Variants in RYK observed in about 807,000 individuals in gnomAD.
The protein encoded by RYK is receptor like tyrosine kinase.
RYK carries 21 observed loss-of-function variants against 70.2 expected under a neutral mutation model. That is an observed-to-expected ratio of 0.30 (90% CI 0.21 to 0.43). The LOEUF (loss-of-function observed/expected upper bound fraction) is 0.43, where lower values mean the gene tolerates loss of function less well. Among genes scored for constraint, RYK ranks in the 20% least tolerant of loss-of-function variants. RYK has a pLI of 1.00. For synonymous variants in RYK, 267 were observed against 278.0 expected (o/e 0.96, Z 0.39); for missense variants, 604 against 753.3 (o/e 0.80, Z 2.32).
intron 10 of RYK, chr3:134,181,448 C>T (rs553868907): frequency 6.6e-6 from 1 of 152,188 alleles, no homozygotes; most frequent in African/African-American, 2.4e-5. Flanking sequence ...CACCACAATG[C>T]CAAAAAACTC....
intron 1 of RYK, among the ~76,000 whole-genome samples, chr3:134,246,907 A>C (rs890644580): frequency 6.6e-6 from 1 of 152,146 alleles, no homozygotes; most frequent in African/African-American, 2.4e-5. Context: ...TTGGAGCAAG[A>C]GGATGGAATG....
At chr3:134,209,961 AAAGT>A in intron 3 of RYK, 132 bp from the exon 4 acceptor site, 1 of 701,524 alleles carries the variant, frequency 1.4e-6, no homozygotes. Context: ...ACATTTAAAT[AAAGT>A]AACTAAACAA....
At chr3:134,200,187 T>C (rs2013957165) in intron 6 of RYK, among the ~76,000 whole-genome samples, 1 of 152,106 alleles carries the variant, frequency 6.6e-6, no homozygotes, top group Admixed American at 6.5e-5. Context: ...TCTTTCGCTC[T>C]TCACAATAAA....
chr3:134,203,105 GGGAGGCCAAGGCAGGT>G (rs1456704879), intron 5 of RYK, among the ~76,000 whole-genome samples: 1 of 152,084 alleles, frequency 6.6e-6, no homozygotes, highest in African/African-American at 2.4e-5. Context: ...CCAGCACTTC[GGGAGGCCAAGGCAGGT>G]GGATCACCTT....
chr3:134,179,654 G>GGAAA (rs1421755967), intron 10 of RYK: 1 of 152,160 alleles, frequency 6.6e-6, no homozygotes, highest in East Asian at 1.9e-4. Flanking sequence ...AGAGGAGCAA[G>GGAAA]GGAGATCACA....
chr3:134,190,929 A>G (rs1358721366), intron 8 of RYK, among the ~76,000 whole-genome samples: 1 of 152,196 alleles, frequency 6.6e-6, no homozygotes, highest in Non-Finnish European at 1.5e-5. Context: ...AAAACAGTCA[A>G]CTATTAACAA....
intron 1 of RYK, among the ~76,000 whole-genome samples, chr3:134,223,241 G>A (rs566018266): frequency 1.6e-4 from 24 of 152,242 alleles, no homozygotes; most frequent in Non-Finnish European, 3.1e-4. Flanking sequence ...CTGGAATGCC[G>A]GAGAAGTGAC....
chr3:134,164,856 T>C (rs1394507548), intron 13 of RYK, among the ~76,000 whole-genome samples: 1 of 152,248 alleles, frequency 6.6e-6, no homozygotes, highest in Non-Finnish European at 1.5e-5. Flanking sequence ...CTGCCAGCAG[T>C]GTAAAAGAGC....
At chr3:134,226,574 T>C (rs1206846068) in intron 1 of RYK, among the ~76,000 whole-genome samples, 1 of 152,124 alleles carries the variant, frequency 6.6e-6, no homozygotes, top group Non-Finnish European at 1.5e-5. Context: ...ACATCCCTTA[T>C]GAACATAGAT....
intron 2 of RYK, among the ~76,000 whole-genome samples, chr3:134,214,566 T>C (rs567546074): frequency 6.6e-6 from 1 of 152,284 alleles, no homozygotes; most frequent in African/African-American, 2.4e-5. Context: ...AAAGGGCAGC[T>C]CTAGCATCCT....
intron 1 of RYK, among the ~76,000 whole-genome samples, chr3:134,239,509 A>T (rs192027922): frequency 7.9e-5 from 12 of 152,252 alleles, no homozygotes; most frequent in African/African-American, 2.9e-4. Flanking sequence ...AAAAATTAAC[A>T]TATGTAAACT....
chr3:134,159,073 ATC>A (rs2108136956), intron 14 of RYK, among the ~76,000 whole-genome samples, 162 bp downstream of exon 14: 1 of 152,320 alleles, frequency 6.6e-6, no homozygotes, highest in Non-Finnish European at 1.5e-5. Flanking sequence ...GAGTGAACGA[ATC>A]TCCCTGACTT....
At chr3:134,197,289 G>T (rs897013658) in intron 6 of RYK, among the ~76,000 whole-genome samples, 4 of 152,166 alleles carry the variant, frequency 2.6e-5, no homozygotes, top group African/African-American at 9.6e-5. Context: ...GAAAAGAGAT[G>T]AAGAGCATAA....
chr3:134,158,185 C>CT lies in RYK; in HGVS notation c.1791dup (p.Glu598ArgfsTer58), dbSNP rs776703155. The stretch of plus-strand genomic sequence containing the variant: ...TAGGCCCCCAGGGCTGCATGAAACT[C>CT]TGTTAGGCACTGTACCAGCTGCTGA... On this transcript the variant is annotated frameshift_variant, in exon 15 of 15. Transcript: ENST00000623711. LOFTEE classifies it high-confidence loss of function. 2 of 1,558,016 alleles carry CT rather than the reference C, an allele frequency of 1.3e-6. No individual in the cohort carries two copies. Among genetic ancestry groups the CT allele is most frequent in the Non-Finnish European group, 8.7e-7 (1 of 1,148,862 alleles).
chr3:134,232,259 G>A (rs146966039), intron 1 of RYK, among the ~76,000 whole-genome samples: 16 of 152,192 alleles, frequency 1.1e-4, no homozygotes, highest in African/African-American at 3.6e-4. Flanking sequence ...TCTTACCAGT[G>A]GAGGTTTCCA....
intron 1 of RYK, among the ~76,000 whole-genome samples, chr3:134,226,287 T>C (rs930870438): frequency 1.3e-5 from 2 of 152,020 alleles, no homozygotes; most frequent in East Asian, 1.9e-4. Flanking sequence ...ATCAACAAAT[T>C]AGATGAAACA....
At chr3:134,234,143 A>G (rs2015140061) in intron 1 of RYK, among the ~76,000 whole-genome samples, 1 of 152,152 alleles carries the variant, frequency 6.6e-6, no homozygotes, top group Non-Finnish European at 1.5e-5. Context: ...GTTCAAAAAC[A>G]TGTTTAAAGA....
At chr3:134,240,899 A>C (rs1367027178) in intron 1 of RYK, among the ~76,000 whole-genome samples, 2 of 152,188 alleles carry the variant, frequency 1.3e-5, no homozygotes, top group Non-Finnish European at 2.9e-5. Flanking sequence ...TCTAATGACA[A>C]TATCTCATTC....
intron 3 of RYK, 70 bp downstream of exon 3, chr3:134,211,438 T>A: frequency 9.8e-7 from 1 of 1,021,672 alleles, no homozygotes; most frequent in Non-Finnish European, 1.5e-6. Context: ...TCAGTAAACT[T>A]CTGTTTTGGG....
Sources: gnomAD v4.1 joint callset for allele counts (sites outside exome capture counted in the v4.1 genomes callset) on GRCh38, gnomAD v4.1.1 for gene constraint, MANE v1.5 for transcripts, NCBI Gene and HGNC (gene_info 2026-07-23, HGNC 2026-07-21) for gene names.